PCDHGA6: variants seen among roughly 807,000 people sequenced by gnomAD.
The protein encoded by PCDHGA6 is protocadherin gamma-A6.
In PCDHGA6, 41 loss-of-function variants were observed where a neutral mutation model predicts 60.6. The observed-to-expected ratio is 0.68, with a 90% CI of 0.53 to 0.88. The LOEUF (loss-of-function observed/expected upper bound fraction) is 0.88. Among genes scored for constraint, PCDHGA6 ranks in the 40% least tolerant of loss-of-function variants. The pLI is 0.00. For synonymous variants in PCDHGA6, 594 were observed against 524.4 expected (o/e 1.13, Z -1.81); for missense variants, 1,312 against 1,203.0 (o/e 1.09, Z -1.34).
At chr5:141,492,509 C>T (rs1276866000) in intron 1 of PCDHGA6, among the ~76,000 whole-genome samples, 1 of 152,216 alleles carries the variant, frequency 6.6e-6, no homozygotes, top group African/African-American at 2.4e-5. Context: ...CCGGAGCCTC[C>T]TCTCACCTCT....
At chr5:141,389,304 GCTT>G (rs762969573) in intron 1 of PCDHGA6, 2 of 1,614,006 alleles carry the variant, frequency 1.2e-6, no homozygotes, top group Non-Finnish European at 1.7e-6. Context: ...ACAAGTCAGG[GCTT>G]CTGATCCGGA....
chr5:141,456,888 G>A (rs376401806), intron 1 of PCDHGA6, among the ~76,000 whole-genome samples: 5 of 152,118 alleles, frequency 3.3e-5, no homozygotes, highest in Admixed American at 1.3e-4. Context: ...GCTTGAACCC[G>A]GGAGGCAGAG....
intron 1 of PCDHGA6, among the ~76,000 whole-genome samples, chr5:141,407,095 T>C (rs1242751445): frequency 6.6e-6 from 1 of 152,370 alleles, no homozygotes; most frequent in East Asian, 1.9e-4. Flanking sequence ...ATTGTTTTAT[T>C]TGTTTGTAAT....
At chr5:141,454,697 T>A (rs768850161) in intron 1 of PCDHGA6, among the ~76,000 whole-genome samples, 14 of 150,312 alleles carry the variant, frequency 9.3e-5, no homozygotes, top group African/African-American at 3.4e-4. Flanking sequence ...TGAGCCACCA[T>A]GCTCCACCTG....
Position 141,428,071 on chromosome 5 carries a change from C to T in PCDHGA6, c.2424+51564C>T, listed in dbSNP as rs968712502. ...AAGGTGGTGGCGGTGGACGCAGATTCGGGACACAACGCTTGGCTGTCCTAC... is the reference window on the plus strand; with the variant it reads ...AAGGTGGTGGCGGTGGACGCAGATTTGGGACACAACGCTTGGCTGTCCTAC... On this transcript the variant is annotated intron_variant, in intron 1 of 3. Transcript: ENST00000517434. The T allele has an allele frequency of 5.6e-6, 9 of 1,609,140 alleles. No homozygotes were observed. In the Middle Eastern group the frequency reaches 1.0e-3, roughly 184 times the overall value.
At chr5:141,460,787 C>T (rs1177595415) in intron 1 of PCDHGA6, among the ~76,000 whole-genome samples, 1 of 151,504 alleles carries the variant, frequency 6.6e-6, no homozygotes, top group Non-Finnish European at 1.5e-5. Context: ...TACATATATA[C>T]ACACAAAGTA....
chr5:141,408,475 C>A, intron 1 of PCDHGA6: 3 of 1,614,032 alleles, frequency 1.9e-6, no homozygotes, highest in Non-Finnish European at 1.7e-6. Flanking sequence ...ACCGAATAGA[C>A]CGTGAGCAAA....
intron 1 of PCDHGA6, chr5:141,398,671 A>G (rs759202675): frequency 1.2e-6 from 2 of 1,614,018 alleles, no homozygotes; most frequent in Non-Finnish European, 1.7e-6. Context: ...CTCATTAATA[A>G]TTAAGGAGAA....
At chr5:141,423,712 T>C (rs1231796741) in intron 1 of PCDHGA6, 2 of 1,313,518 alleles carry the variant, frequency 1.5e-6, no homozygotes, top group Admixed American at 3.2e-5. Flanking sequence ...CACAAGTCTT[T>C]TAAGGAGATG....
intron 1 of PCDHGA6, chr5:141,441,995 G>T: frequency 8.1e-6 from 2 of 246,740 alleles, no homozygotes; most frequent in Non-Finnish European, 8.0e-6. Flanking sequence ...CCGACGAGGT[G>T]CTGACAGCTC....
chr5:141,437,037 A>G (rs1410732155), intron 1 of PCDHGA6, among the ~76,000 whole-genome samples: 2 of 152,264 alleles, frequency 1.3e-5, no homozygotes, highest in Admixed American at 1.3e-4. Flanking sequence ...TGGATCACCG[A>G]AACCAGAAGG....
rs1185679701 is a variant in PCDHGA6, at chr5:141,511,384, G to A, written c.*211G>A. On this transcript the variant is annotated 3_prime_UTR_variant, in exon 4 of 4. Coordinates refer to ENST00000517434, the MANE Select transcript of PCDHGA6 (RefSeq NM_018919.3). ...TTGAATATGCAAAAGCAGTTCCGCT[G>A]GGAACCCCCATCCAATCAACTGCTG... is the stretch of plus-strand genomic sequence containing the variant. 3.5e-6 allele frequency: 4 copies of A among 1,154,490 alleles called. No homozygotes were observed. Among genetic ancestry groups the A allele is most frequent in the Admixed American group, 2.9e-5 (1 of 34,748 alleles). 71.5% of individuals were successfully genotyped at this position (1,154,490 alleles called of 1,614,324 possible). A position where few individuals can be genotyped will look rare whatever the true frequency, so the allele number is the denominator to read the frequency against.
intron 1 of PCDHGA6, among the ~76,000 whole-genome samples, chr5:141,463,314 A>G (rs1357327211): frequency 2.0e-5 from 3 of 151,098 alleles, no homozygotes; most frequent in Non-Finnish European, 2.9e-5. Context: ...TCTAATATCT[A>G]TTCCTCAACT....
chr5:141,425,394 G>C (rs186813737), intron 1 of PCDHGA6, among the ~76,000 whole-genome samples: 2 of 152,184 alleles, frequency 1.3e-5, no homozygotes, highest in Non-Finnish European at 2.9e-5. Context: ...TAGTGATAAA[G>C]TTCTGTTAAG....
At chr5:141,409,290 G>A in intron 1 of PCDHGA6, 1 of 1,613,974 alleles carries the variant, frequency 6.2e-7, no homozygotes. Context: ...TCACCTCCAG[G>A]AATGGTTGTT....
intron 1 of PCDHGA6, chr5:141,415,909 C>T: frequency 2.6e-6 from 2 of 761,032 alleles, no homozygotes; most frequent in Non-Finnish European, 3.7e-6. Context: ...GACTTCCATA[C>T]AGAAGTGCCT....
At chr5:141,498,321 G>A (rs1477684617) in intron 2 of PCDHGA6, among the ~76,000 whole-genome samples, 2 of 151,722 alleles carry the variant, frequency 1.3e-5, no homozygotes, top group Non-Finnish European at 2.9e-5. Flanking sequence ...CTACACAGAA[G>A]GAAGAGCATT....
At chr5:141,427,898 C>T in intron 1 of PCDHGA6, 4 of 1,570,874 alleles carry the variant, frequency 2.5e-6, no homozygotes, top group African/African-American at 1.3e-5. Flanking sequence ...AGGGCTCGCC[C>T]GCGCTCAGCG....
intron 1 of PCDHGA6, chr5:141,427,972 C>A: frequency 6.3e-7 from 1 of 1,593,948 alleles, no homozygotes; most frequent in Non-Finnish European, 8.6e-7. Context: ...GTGCTGTACC[C>A]CGCGCTGGGG....
Sources: allele counts gnomAD v4.1 joint callset (sites outside exome capture counted in the v4.1 genomes callset), GRCh38; gene constraint gnomAD v4.1.1; transcripts MANE v1.5; gene names NCBI Gene and HGNC (gene_info 2026-07-23, HGNC 2026-07-21).